The following MILR1 variants were observed in gnomAD, a reference collection of about 807,000 sequenced individuals.
MILR1 encodes mast cell immunoglobulin like receptor 1, also known as allergin-1.
Under a neutral mutation model 18.5 loss-of-function variants are expected in MILR1, and 31 were observed. The observed-to-expected ratio is 1.68, with a 90% CI of 1.26 to 2.26. The LOEUF (loss-of-function observed/expected upper bound fraction) is 2.26, where lower values mean the gene tolerates loss of function less well. Among genes scored for constraint, MILR1 ranks in the 30% most tolerant of loss-of-function variants. The probability of loss-of-function intolerance (pLI) is 0.00; values close to 1 mark genes in which losing one functional copy is unlikely to be tolerated. For synonymous variants in MILR1, 85 were observed against 56.2 expected (o/e 1.51, Z -2.30); for missense variants, 257 against 157.4 (o/e 1.63, Z -3.38).
At chr17:64,488,570 A>C in the MILR1 span, among the ~76,000 whole-genome samples, 2 of 152,152 alleles carry the variant, frequency 1.3e-5, no homozygotes, top group Non-Finnish European at 1.5e-5. Context: ...AAAATAAGAC[A>C]CTAATAGCCA....
downstream of MILR1, among the ~76,000 whole-genome samples, chr17:64,469,591 G>A (rs2037656001): frequency 6.6e-6 from 1 of 152,168 alleles, no homozygotes; most frequent in African/African-American, 2.4e-5. Context: ...TAGAGACAGG[G>A]TTTTGCCATG....
At chr17:64,495,295 T>C in the MILR1 span, among the ~76,000 whole-genome samples, 2 of 148,896 alleles carry the variant, frequency 1.3e-5, no homozygotes, top group African/African-American at 5.0e-5. Flanking sequence ...TTAAAAATCA[T>C]GAGGCTGGGC....
the MILR1 span, among the ~76,000 whole-genome samples, chr17:64,493,619 G>C: frequency 6.6e-6 from 1 of 151,882 alleles, no homozygotes; most frequent in Non-Finnish European, 1.5e-5. Context: ...CGAGTAGCTG[G>C]GACTACAGGC....
chr17:64,457,332 C>T (rs2037321600), intron 3 of MILR1, 68 bp from the exon 4 acceptor site: 12 of 439,470 alleles, frequency 2.7e-5, no homozygotes, highest in Middle Eastern at 6.1e-4. Context: ...GGGTTCCACT[C>T]ATATTTGTGG....
chr17:64,470,966 G>C (rs1209613561), downstream of MILR1, among the ~76,000 whole-genome samples: 1 of 152,138 alleles, frequency 6.6e-6, no homozygotes, highest in Non-Finnish European at 1.5e-5. Flanking sequence ...CATGGCAGGG[G>C]AAGGTCTTAG....
intron 4 of MILR1, among the ~76,000 whole-genome samples, chr17:64,458,229 T>G (rs1227630614): frequency 6.6e-6 from 1 of 151,446 alleles, no homozygotes; most frequent in Non-Finnish European, 1.5e-5. Context: ...TTTCTTTTCT[T>G]TTTTTCAGAG....
chr17:64,494,414 C>T, the MILR1 span, among the ~76,000 whole-genome samples: 1 of 152,110 alleles, frequency 6.6e-6, no homozygotes, highest in Admixed American at 6.5e-5. Flanking sequence ...ATATCCTGCT[C>T]CCCAACAGTA....
downstream of MILR1, among the ~76,000 whole-genome samples, chr17:64,469,685 C>T (rs1349711972): frequency 6.6e-6 from 1 of 152,034 alleles, no homozygotes; most frequent in African/African-American, 2.4e-5. Flanking sequence ...AGGCGTGAGC[C>T]ACCTCGCCTG....
At chr17:64,494,887 C>G in the MILR1 span, among the ~76,000 whole-genome samples, 2 of 152,190 alleles carry the variant, frequency 1.3e-5, no homozygotes, top group South Asian at 4.1e-4. Context: ...AAACCAAGAT[C>G]TGGAGGCCGG....
At chr17:64,461,074 G>T (rs946449741) in intron 5 of MILR1, 142 bp downstream of exon 5, 1 of 364,828 alleles carries the variant, frequency 2.7e-6, no homozygotes, top group Non-Finnish European at 5.0e-6. Flanking sequence ...CATGAGAAAG[G>T]GGGGCGGGAA....
chr17:64,452,244 A>G (rs2144005165), intron 2 of MILR1, among the ~76,000 whole-genome samples: 1 of 151,254 alleles, frequency 6.6e-6, no homozygotes, highest in South Asian at 2.1e-4. Flanking sequence ...AACTTCAAGA[A>G]CTTTTTATTT....
chr17:64,484,452 A>G, the MILR1 span, among the ~76,000 whole-genome samples: 1 of 152,200 alleles, frequency 6.6e-6, no homozygotes, highest in African/African-American at 2.4e-5. Context: ...GCAGATCAAA[A>G]AGAGGGCTTC....
At chr17:64,465,311 C>T in intron 5 of MILR1, 141 bp from the exon 6 acceptor site, 1 of 634,774 alleles carries the variant, frequency 1.6e-6, no homozygotes, top group Admixed American at 2.8e-5. Context: ...TATAGTTTTC[C>T]TTTGTTAGAC....
the MILR1 span, among the ~76,000 whole-genome samples, chr17:64,489,125 G>A: frequency 6.7e-6 from 1 of 148,676 alleles, no homozygotes; most frequent in Non-Finnish European, 1.5e-5. Flanking sequence ...ACAATATATT[G>A]CTACAAAAGG....
the MILR1 span, chr17:64,496,882 C>T: frequency 1.2e-6 from 2 of 1,613,506 alleles, no homozygotes; most frequent in African/African-American, 1.3e-5. Context: ...ACAGCTCCGG[C>T]TGCCCCGCAT....
At chr17:64,476,900 T>A in the MILR1 span, among the ~76,000 whole-genome samples, 1 of 152,122 alleles carries the variant, frequency 6.6e-6, no homozygotes, top group Admixed American at 6.5e-5. Flanking sequence ...AGTCAAACTT[T>A]TGAAATATTT....
At chr17:64,489,352 G>GC in the MILR1 span, among the ~76,000 whole-genome samples, 1 of 133,566 alleles carries the variant, frequency 7.5e-6, no homozygotes, top group African/African-American at 2.7e-5. Context: ...GATGGAATTT[G>GC]TTTTTTTTTA....
At chr17:64,482,861 C>T in the MILR1 span, 38 of 987,884 alleles carry the variant, frequency 3.8e-5, no homozygotes, top group Non-Finnish European at 5.7e-5. Flanking sequence ...TGGTCCAAAG[C>T]GTTTTTGGAT....
the MILR1 span, chr17:64,481,503 G>A: frequency 3.4e-6 from 2 of 581,770 alleles, no homozygotes; most frequent in Non-Finnish European, 4.3e-6. Flanking sequence ...TTAATCATTA[G>A]AACAAATTAG....
Sources: gnomAD v4.1 joint callset for allele counts (sites outside exome capture counted in the v4.1 genomes callset) on GRCh38, gnomAD v4.1.1 for gene constraint, MANE v1.5 for transcripts, NCBI Gene and HGNC (gene_info 2026-07-23, HGNC 2026-07-21) for gene names.